The following FOXN2 variants were observed in gnomAD, a reference collection of about 807,000 sequenced individuals.
The protein encoded by FOXN2 is forkhead box N2, also known as forkhead box protein N2.
A neutral mutation model predicts 41.2 loss-of-function variants in FOXN2; 19 were observed. That is an observed-to-expected ratio of 0.46 (90% CI 0.32 to 0.68). The LOEUF (loss-of-function observed/expected upper bound fraction) is 0.68. Among genes scored for constraint, FOXN2 ranks in the 30% least tolerant of loss-of-function variants. FOXN2 has a pLI of 0.03. For synonymous variants in FOXN2, 195 were observed against 176.8 expected (o/e 1.10, Z -0.82); for missense variants, 587 against 509.4 (o/e 1.15, Z -1.47).
At chr2:48,368,722 T>C (rs528823406) in intron 5 of FOXN2, among the ~76,000 whole-genome samples, 1 of 152,270 alleles carries the variant, frequency 6.6e-6, no homozygotes, top group African/African-American at 2.4e-5. Context: ...GAAAATAGAT[T>C]GGGTACTATA....
upstream of FOXN2, among the ~76,000 whole-genome samples, chr2:48,313,956 G>A (rs768203694): frequency 1.3e-5 from 2 of 152,196 alleles, no homozygotes; most frequent in Non-Finnish European, 2.9e-5. Flanking sequence ...ATATGACAAT[G>A]GATGTGAAGT....
At chr2:48,366,525 A>G (rs1044077352) in intron 5 of FOXN2, among the ~76,000 whole-genome samples, 1 of 152,132 alleles carries the variant, frequency 6.6e-6, no homozygotes, top group Non-Finnish European at 1.5e-5. Flanking sequence ...TAGACCAGGT[A>G]GATGTGGTCA....
chr2:48,339,459 TG>T (rs1323421917), intron 2 of FOXN2, among the ~76,000 whole-genome samples: 1 of 152,192 alleles, frequency 6.6e-6, no homozygotes, highest in Non-Finnish European at 1.5e-5. Flanking sequence ...AGGACATTTT[TG>T]CTTCCCCTTC....
At chr2:48,316,494 G>A (rs916798693) in intron 1 of FOXN2, among the ~76,000 whole-genome samples, 16 of 152,016 alleles carry the variant, frequency 1.1e-4, no homozygotes, top group Admixed American at 5.2e-4. Context: ...CTAAACATAC[G>A]TAAATAAAAT....
chr2:48,358,544 A>G (rs1671956684), intron 3 of FOXN2, among the ~76,000 whole-genome samples: 1 of 152,208 alleles, frequency 6.6e-6, no homozygotes, highest in Non-Finnish European at 1.5e-5. Context: ...TTATGAAATG[A>G]TATTCAGAGA....
chr2:48,340,657 T>A (rs1211476554), intron 2 of FOXN2: 1 of 152,230 alleles, frequency 6.6e-6, no homozygotes, highest in Non-Finnish European at 1.5e-5. Context: ...TTTATTCATT[T>A]TTCTTATTTT....
intron 2 of FOXN2, among the ~76,000 whole-genome samples, chr2:48,332,941 C>T (rs1373694902): frequency 1.3e-5 from 2 of 152,148 alleles, no homozygotes; most frequent in Admixed American, 1.3e-4. Flanking sequence ...TCCTTTGGTT[C>T]ACTGTCTCCA....
chr2:48,354,746 A>G (rs558867319), intron 3 of FOXN2, among the ~76,000 whole-genome samples: 2 of 152,370 alleles, frequency 1.3e-5, no homozygotes, highest in East Asian at 3.9e-4. Context: ...TTAATAAGAA[A>G]ATGAAAATCT....
At chr2:48,315,128 C>T (rs542791718) in intron 1 of FOXN2, among the ~76,000 whole-genome samples, 7 of 152,266 alleles carry the variant, frequency 4.6e-5, no homozygotes, top group African/African-American at 7.2e-5. Context: ...GCGGCGGAAA[C>T]CGCGGCGAGG....
intron 3 of FOXN2, among the ~76,000 whole-genome samples, chr2:48,353,645 T>C (rs1671605627): frequency 1.3e-5 from 2 of 151,254 alleles, no homozygotes; most frequent in East Asian, 1.9e-4. Context: ...AATAACCTTT[T>C]AAAAGCTCAG....
At chr2:48,360,012 C>G (rs1171713892) in intron 4 of FOXN2, among the ~76,000 whole-genome samples, 1 of 151,926 alleles carries the variant, frequency 6.6e-6, no homozygotes, top group South Asian at 2.1e-4. Flanking sequence ...AAATGTTTGG[C>G]AAATAAAATA....
At chr2:48,363,455 C>T (rs1672332042) in intron 5 of FOXN2, among the ~76,000 whole-genome samples, 1 of 151,970 alleles carries the variant, frequency 6.6e-6, no homozygotes, top group Non-Finnish European at 1.5e-5. Context: ...ATTAAAAAAT[C>T]AATTTAGTGC....
At chr2:48,361,707 GA>G (rs1480247074) in intron 4 of FOXN2, among the ~76,000 whole-genome samples, 1 of 151,904 alleles carries the variant, frequency 6.6e-6, no homozygotes, top group Non-Finnish European at 1.5e-5. Flanking sequence ...TTAACAAATA[GA>G]TTTTTTTTTC....
chr2:48,352,906 C>T (rs981545141), intron 3 of FOXN2, among the ~76,000 whole-genome samples: 1 of 152,108 alleles, frequency 6.6e-6, no homozygotes, highest in South Asian at 2.1e-4. Context: ...CCTATAAATA[C>T]CTACAAGTTG....
In FOXN2 at chr2:48,377,523, C is replaced by T. The variant is rs1404753557; in HGVS notation, c.*2080C>T. The T allele has an allele frequency of 1.3e-5, 2 of 151,998 alleles. No homozygotes were observed. Among genetic ancestry groups the T allele is most frequent in the Non-Finnish European group, 2.9e-5 (2 of 67,898 alleles). The allele number at this position is 151,998 out of a possible 1,614,324, so 9.4% of individuals were successfully genotyped here. A position where few individuals can be genotyped will look rare whatever the true frequency, so the allele number is the denominator to read the frequency against. On this transcript the variant is annotated 3_prime_UTR_variant, in exon 7 of 7. Transcript: ENST00000340553. Reference sequence around the variant, plus strand: ...TCTTTATAAGGAAAGGAAAGAGAAGCAGAGTTAGTTCCAGCTCTAATAGGG... The same window carrying T: ...TCTTTATAAGGAAAGGAAAGAGAAGTAGAGTTAGTTCCAGCTCTAATAGGG...
In FOXN2 at chr2:48,377,346, C is replaced by T. The variant is rs1461477403; in HGVS notation, c.*1903C>T. The T allele has an allele frequency of 6.6e-6, 1 of 151,950 alleles. No homozygotes were observed. The highest frequency in any genetic ancestry group is 1.5e-5 in the Non-Finnish European group (1 of 67,892). The allele number at this position is 151,950 out of a possible 1,614,324, so 9.4% of individuals were successfully genotyped here. Reference sequence around the variant, plus strand: ...CACAGTATAAATAATAGATTATACACATCATCTTAATAACTATTTTTAAGT... The same window carrying T: ...CACAGTATAAATAATAGATTATACATATCATCTTAATAACTATTTTTAAGT... On this transcript the variant is annotated 3_prime_UTR_variant, in exon 7 of 7. Transcript: ENST00000340553.
chr2:48,330,284 G>A (rs373083842), intron 2 of FOXN2, among the ~76,000 whole-genome samples: 7 of 152,058 alleles, frequency 4.6e-5, no homozygotes, highest in South Asian at 2.1e-4. Flanking sequence ...AATATTGGAG[G>A]TGAGGAAAGG....
chr2:48,345,818 TTCTTAAGATACGTATAAAG>T (rs1385649359), intron 2 of FOXN2, among the ~76,000 whole-genome samples: 1 of 152,168 alleles, frequency 6.6e-6, no homozygotes, highest in Non-Finnish European at 1.5e-5. Context: ...AAATCATAGA[TTCTTAAGATACGTATAAAG>T]TCTTATAGTT....
At chr2:48,363,101 G>C (rs1253430005) in intron 5 of FOXN2, among the ~76,000 whole-genome samples, 1 of 152,112 alleles carries the variant, frequency 6.6e-6, no homozygotes, top group African/African-American at 2.4e-5. Flanking sequence ...AGGTATTCTA[G>C]AAGGCATTGT....
Sources: allele counts gnomAD v4.1 joint callset (sites outside exome capture counted in the v4.1 genomes callset), GRCh38; gene constraint gnomAD v4.1.1; transcripts MANE v1.5; gene names NCBI Gene and HGNC (gene_info 2026-07-23, HGNC 2026-07-21).